The following MCCC2 variants were observed in gnomAD, a reference collection of about 807,000 sequenced individuals.
MCCC2 encodes methylcrotonyl-CoA carboxylase subunit 2, also known as methylcrotonoyl-CoA carboxylase beta chain, mitochondrial.
Under a neutral mutation model 77.2 loss-of-function variants are expected in MCCC2, and 52 were observed. The ratio of observed to expected loss-of-function variants is 0.67; its 90% CI spans 0.54 to 0.85. MCCC2 has a LOEUF of 0.85. Among genes scored for constraint, MCCC2 ranks in the 40% least tolerant of loss-of-function variants. The pLI is 0.00. For synonymous variants in MCCC2, 253 were observed against 248.4 expected, an observed-to-expected ratio of 1.02 and a Z score of -0.18; for missense variants, 682 against 703.2, an observed-to-expected ratio of 0.97 and a Z score of 0.34.
chr5:71,606,758 CT>C (rs1745692840), intron 6 of MCCC2, among the ~76,000 whole-genome samples: 1 of 89,274 alleles, frequency 1.1e-5, no homozygotes, highest in Non-Finnish European at 2.2e-5. Context: ...CCATCAATAC[CT>C]AATTTATTGA....
At chr5:71,588,929 G>T (rs1484556624) in intron 1 of MCCC2, among the ~76,000 whole-genome samples, 1 of 152,126 alleles carries the variant, frequency 6.6e-6, no homozygotes, top group Admixed American at 6.6e-5. Context: ...ATTCCATTTG[G>T]CAGGTTGTCC....
At chr5:71,631,982 G>T in intron 7 of MCCC2, 139 bp from the exon 8 acceptor site, 1 of 800,054 alleles carries the variant, frequency 1.2e-6, no homozygotes. Context: ...CTAGGTGCAT[G>T]AATGAGAAAG....
chr5:71,633,113 ATATATATATATATATATATT>A (rs1416972446), intron 8 of MCCC2, among the ~76,000 whole-genome samples: 8 of 34,128 alleles, frequency 2.3e-4, no homozygotes, highest in Admixed American at 1.1e-3. Context: ...ATATATATAT[ATATATATATATATATATATT>A]TTTATTTTTT....
At chr5:71,629,327 G>A (rs1420574864) in intron 7 of MCCC2, among the ~76,000 whole-genome samples, 2 of 152,190 alleles carry the variant, frequency 1.3e-5, no homozygotes, top group African/African-American at 4.8e-5. Context: ...GGACTAGGAG[G>A]AGGGTGGAAT....
chr5:71,607,738 A>G (rs1175864931), intron 6 of MCCC2, among the ~76,000 whole-genome samples: 2 of 150,638 alleles, frequency 1.3e-5, no homozygotes, highest in Non-Finnish European at 3.0e-5. Context: ...CCCTCTACAC[A>G]CTGTTTGAAT....
intron 13 of MCCC2, among the ~76,000 whole-genome samples, chr5:71,646,863 A>G (rs1328376280): frequency 6.6e-6 from 1 of 152,144 alleles, no homozygotes; most frequent in Non-Finnish European, 1.5e-5. Flanking sequence ...GGCACGTGCT[A>G]CGGTCTTCCC....
chr5:71,634,886 ATATT>A (rs1010427029), intron 8 of MCCC2, 53 bp from the exon 9 acceptor site: 2 of 1,451,730 alleles, frequency 1.4e-6, no homozygotes, highest in Non-Finnish European at 1.9e-6. Context: ...GGGACCTGAG[ATATT>A]TAATTATTTT....
At chr5:71,649,763 A>G (rs1003094578) in intron 14 of MCCC2, among the ~76,000 whole-genome samples, 1 of 152,214 alleles carries the variant, frequency 6.6e-6, no homozygotes, top group African/African-American at 2.4e-5. Context: ...ATAAAGAGAG[A>G]CAGCACATAT....
chr5:71,620,882 TC>T (rs1371737335), intron 6 of MCCC2, among the ~76,000 whole-genome samples: 3 of 152,160 alleles, frequency 2.0e-5, no homozygotes, highest in African/African-American at 7.2e-5. Context: ...CTCTGTTTGT[TC>T]CTGTCACAGA....
In MCCC2 at chr5:71,587,567, C is replaced by A. The variant is rs1014465934; in HGVS notation, c.129+13C>A. On this transcript the variant is annotated intron_variant, in intron 1 of 16. Transcript: ENST00000340941. The stretch of plus-strand genomic sequence containing the variant: ...TGCCCTCTACCAGGTAGGCTGAGCG[C>A]CCCGGTGGCCTGGCCGCCGGTGCCA... The A allele has an allele frequency of 1.3e-6, 2 of 1,531,716 alleles. No homozygotes were observed. Among genetic ancestry groups the A allele is most frequent in the African/African-American group, 1.4e-5 (1 of 73,054 alleles). The allele number at this position is 1,531,716 out of a possible 1,614,324, so 94.9% of individuals were successfully genotyped here. A position where few individuals can be genotyped will look rare whatever the true frequency, so the allele number is the denominator to read the frequency against.
At position 71,656,810 on chromosome 5, in the gene MCCC2, G is replaced by A; in HGVS notation, c.1642G>A (p.Ala548Thr). 6.2e-7 allele frequency: 1 copy of A among 1,614,084 alleles called. No individual in the cohort carries two copies. The highest frequency in any genetic ancestry group is 1.6e-4 in the Middle Eastern group (1 of 6,062). ...GGTCTTGGGTCTCAGTTTTAGTGCA[G>A]CCCTCAACGCACCAATAGAGAAGAC... ...RLVLGLSFSAALNAPIEKTDF... is the reference protein window; with the variant it reads ...RLVLGLSFSATLNAPIEKTDF... Residue 548 changes from alanine (A) to threonine (T), a missense_variant, in exon 17 of 17, where the codon GCC becomes ACC. Ala to Thr is a moderately conservative substitution (Grantham distance 58). Transcript: ENST00000340941.
In MCCC2 at chr5:71,587,434, C is replaced by A; in HGVS notation, c.9C>A (p.Ala3=). 1.3e-6 allele frequency: 2 copies of A among 1,534,670 alleles called. No homozygotes were observed. Among genetic ancestry groups the A allele is most frequent in the South Asian group, 1.2e-5 (1 of 83,896 alleles). ...GCTCGGTGCCCGCCGCCATGTGGGC[C>A]GTCCTGAGGTTAGCCCTGCGGCCGT... MW[A]VLRLALRPCA... The change falls in exon 1 of 17, where the codon GCC becomes GCA. Residue 3 remains alanine (A), a synonymous_variant. Transcript: ENST00000340941.
intron 10 of MCCC2, among the ~76,000 whole-genome samples, chr5:71,640,797 G>A (rs1263994917): frequency 1.3e-5 from 2 of 152,188 alleles, no homozygotes; most frequent in Admixed American, 1.3e-4. Flanking sequence ...GCTGTTGCTT[G>A]TATAGTGAAG....
At chr5:71,622,140 T>C (rs1746370761) in intron 6 of MCCC2, among the ~76,000 whole-genome samples, 1 of 152,128 alleles carries the variant, frequency 6.6e-6, no homozygotes, top group Non-Finnish European at 1.5e-5. Context: ...GTCCTCTTAG[T>C]GGAGAATGCC....
intron 2 of MCCC2, among the ~76,000 whole-genome samples, chr5:71,594,528 A>AG (rs1491382249): frequency 9.5e-5 from 1 of 10,524 alleles, no homozygotes; most frequent in Admixed American, 2.3e-3. Context: ...ATTCCGTCTC[A>AG]AAAAAAAAAA....
intron 6 of MCCC2, among the ~76,000 whole-genome samples, chr5:71,619,776 G>C (rs1022053450): frequency 6.6e-6 from 1 of 152,074 alleles, no homozygotes; most frequent in African/African-American, 2.4e-5. Context: ...CAGATCACGA[G>C]GTCAGGAGAT....
In MCCC2 at chr5:71,638,693, G is replaced by A. The variant is rs1561844143; in HGVS notation, c.1000-2310G>A. Among the ~76,000 whole-genome samples the A allele has an allele frequency of 2.6e-5, 4 of 152,092 alleles. No homozygotes were observed. The South Asian group carries it at 8.3e-4, about 32-fold the overall frequency. The stretch of plus-strand genomic sequence containing the variant: ...ATGCCACCATTCCCAGCTAATTTTT[G>A]TATTTTTAGTAGAGACAGGGTTTTA... On this transcript the variant is annotated intron_variant, in intron 10 of 16. Transcript: ENST00000340941.
chr5:71,648,335 G>C (rs1450364931), intron 13 of MCCC2, among the ~76,000 whole-genome samples: 1 of 152,180 alleles, frequency 6.6e-6, no homozygotes, highest in Non-Finnish European at 1.5e-5. Flanking sequence ...CAGAGAAAGA[G>C]GAACCCAAGT....
Position 71,652,714 on chromosome 5 carries a change from A to C in MCCC2, c.1534A>C (p.Lys512Gln). Residue 512 changes from lysine to glutamine, a missense_variant, in exon 16 of 17, where the codon AAG (lysine) becomes CAG (glutamine). Transcript: ENST00000340941. ...EAALKEPIIKKFEEEGNPYYS... is the reference protein window; with the variant it reads ...EAALKEPIIKQFEEEGNPYYS... ...GGCTTTAAAAGAGCCCATCATTAAG[A>C]AGTTTGAAGAGGAAGGAAACCCTTA... 2 of 1,614,164 alleles carry C rather than the reference A, an allele frequency of 1.2e-6. No individual in the cohort carries two copies. The highest frequency in any genetic ancestry group is 2.2e-5 in the South Asian group (2 of 91,074).
Sources: gnomAD v4.1 joint callset for allele counts (sites outside exome capture counted in the v4.1 genomes callset) on GRCh38, gnomAD v4.1.1 for gene constraint, MANE v1.5 for transcripts, NCBI Gene and HGNC (gene_info 2026-07-23, HGNC 2026-07-21) for gene names.